The following MECOM variants were observed in gnomAD, a reference collection of about 807,000 sequenced individuals.
MECOM encodes the protein MDS1 and EVI1 complex locus.
A neutral mutation model predicts 116.3 loss-of-function variants in MECOM; 13 were observed. The ratio of observed to expected loss-of-function variants is 0.11; its 90% CI spans 0.07 to 0.18. The LOEUF (loss-of-function observed/expected upper bound fraction) is 0.18. Ranked by LOEUF, MECOM falls within the 10% of genes least tolerant of loss-of-function variation. The probability of loss-of-function intolerance (pLI) is 1.00; values close to 1 mark genes in which losing one functional copy is unlikely to be tolerated. For synonymous variants in MECOM, 528 were observed against 535.2 expected, an observed-to-expected ratio of 0.99 and a Z score of 0.19; for missense variants, 1,299 against 1,509.0, an observed-to-expected ratio of 0.86 and a Z score of 2.31.
At chr3:169,548,730 C>T (rs1377954870) in intron 1 of MECOM, among the ~76,000 whole-genome samples, 1 of 152,136 alleles carries the variant, frequency 6.6e-6, no homozygotes, top group Admixed American at 6.5e-5. Context: ...GCCCTCTCTC[C>T]ATCATTCAGG....
At chr3:169,657,290 C>T (rs570742367) in intron 1 of MECOM, among the ~76,000 whole-genome samples, 2 of 152,212 alleles carry the variant, frequency 1.3e-5, no homozygotes, top group Non-Finnish European at 2.9e-5. Context: ...TTCGCTATCA[C>T]GATCCCTCTA....
rs1754487838 is a variant in MECOM at position 169,239,321 on chromosome 3, T to C, written c.376-95489A>G. Among the ~76,000 whole-genome samples, 4 of 152,104 alleles carry C rather than the reference T, an allele frequency of 2.6e-5. No homozygotes were observed. In the South Asian group the frequency reaches 8.3e-4, roughly 31 times the overall value. ...TACCAATAAGGAGAACTTTAAAGAA[T>C]ATTAGAGTATTTGAAATATATGGAG... On this transcript the variant is annotated intron_variant, in intron 2 of 16. Coordinates refer to ENST00000651503, the MANE Select transcript of MECOM (RefSeq NM_004991.4).
At chr3:169,341,479 C>T (rs552402055) in intron 2 of MECOM, among the ~76,000 whole-genome samples, 9 of 149,122 alleles carry the variant, frequency 6.0e-5, no homozygotes, top group African/African-American at 2.0e-4. Context: ...CGGTGGCTCA[C>T]GTCTGTAAGC....
At chr3:169,259,006 A>T (rs554205111) in intron 2 of MECOM, among the ~76,000 whole-genome samples, 1 of 152,196 alleles carries the variant, frequency 6.6e-6, no homozygotes, top group African/African-American at 2.4e-5. Context: ...ATGGTTTTGC[A>T]TCCCAAATCT....
chr3:169,493,271 T>C (rs1361459313), intron 1 of MECOM, among the ~76,000 whole-genome samples: 1 of 152,052 alleles, frequency 6.6e-6, no homozygotes, highest in Non-Finnish European at 1.5e-5. Context: ...TTTGATCAAG[T>C]AGCATGTCTC....
At chr3:169,349,051 C>G (rs900966707) in intron 2 of MECOM, among the ~76,000 whole-genome samples, 29 of 151,516 alleles carry the variant, frequency 1.9e-4, no homozygotes, top group African/African-American at 5.6e-4. Context: ...TGTTCACCCC[C>G]ATTCCCCTCC....
intron 4 of MECOM, 124 bp from the exon 5 acceptor site, chr3:169,128,184 T>G (rs1162067943): frequency 1.2e-6 from 1 of 802,502 alleles, no homozygotes; most frequent in Non-Finnish European, 2.0e-6. Flanking sequence ...TCTTGTCAAT[T>G]TTAATCTGGA....
At position 169,141,671 on chromosome 3, in the gene MECOM, T is replaced by G. The variant is rs570491950; in HGVS notation, c.510+2027A>C. On this transcript the variant is annotated intron_variant, in intron 3 of 16. Transcript: ENST00000651503. Reference sequence around the variant, plus strand: ...ATGCTTATAATATATGCATACACTATTTGGGTGTCTCTTCCCTTTTGTCTT... The same window carrying G: ...ATGCTTATAATATATGCATACACTAGTTGGGTGTCTCTTCCCTTTTGTCTT... Among the ~76,000 whole-genome samples the G allele has an allele frequency of 5.9e-5, 9 of 152,160 alleles. No homozygotes were observed. The South Asian group carries it at 1.9e-3, about 32-fold the overall frequency.
At chr3:169,091,033 C>T (rs1021208525) in intron 14 of MECOM, among the ~76,000 whole-genome samples, 8 of 151,884 alleles carry the variant, frequency 5.3e-5, no homozygotes, top group Non-Finnish European at 4.4e-5. Context: ...ATCCATTTGA[C>T]CAGAAAAAGT....
intron 1 of MECOM, among the ~76,000 whole-genome samples, chr3:169,469,979 A>G (rs1476462345): frequency 6.6e-6 from 1 of 152,192 alleles, no homozygotes; most frequent in East Asian, 1.9e-4. Context: ...CCTTCCTAAG[A>G]AACTGATATG....
chr3:169,189,626 G>A (rs1747246771), intron 2 of MECOM, among the ~76,000 whole-genome samples: 1 of 151,928 alleles, frequency 6.6e-6, no homozygotes, highest in Non-Finnish European at 1.5e-5. Flanking sequence ...TCCCCTTTTT[G>A]TTGTATCTGT....
rs1160813309 is a variant in MECOM, at chr3:169,128,387, T to C, written c.614-327A>G. On this transcript the variant is annotated intron_variant, in intron 4 of 16. Coordinates refer to ENST00000651503, the MANE Select transcript of MECOM (RefSeq NM_004991.4). ...TTTCTCAACCCTGTATGTGGATTAC[T>C]GACATTCCTTAAAACCTGATTATGA... Among the ~76,000 whole-genome samples the C allele has an allele frequency of 2.0e-5, 3 of 152,210 alleles. No individual in the cohort carries two copies. In the East Asian group the frequency reaches 5.8e-4, roughly 29 times the overall value.
chr3:169,306,178 T>A (rs951273426), intron 2 of MECOM, among the ~76,000 whole-genome samples: 2 of 152,144 alleles, frequency 1.3e-5, no homozygotes, highest in African/African-American at 4.8e-5. Context: ...TTCATGATTA[T>A]CTTCCTTTGT....
At chr3:169,274,229 A>T (rs917314203) in intron 2 of MECOM, among the ~76,000 whole-genome samples, 2 of 152,110 alleles carry the variant, frequency 1.3e-5, no homozygotes, top group African/African-American at 4.8e-5. Context: ...CTTCCTAAAA[A>T]TGAGTGAGGA....
At chr3:169,237,634 AAT>A (rs60624551) in intron 2 of MECOM, among the ~76,000 whole-genome samples, 8,072 of 55,780 alleles carry the variant, frequency 0.14, 452 homozygotes, top group Non-Finnish European at 0.19. Context: ...AAAAAAAAAA[AAT>A]GTGGCACTTA....
chr3:169,149,841 A>G (rs944232590), intron 2 of MECOM: 1 of 329,652 alleles, frequency 3.0e-6, no homozygotes, highest in East Asian at 8.4e-5. Context: ...TTCTCCACTG[A>G]ATAAATTGTG....
At chr3:169,493,052 A>T (rs757661984) in intron 1 of MECOM, among the ~76,000 whole-genome samples, 1 of 152,230 alleles carries the variant, frequency 6.6e-6, no homozygotes, top group Non-Finnish European at 1.5e-5. Flanking sequence ...TATAGTCAGA[A>T]CAATGAACAA....
At chr3:169,612,835 C>A (rs768466883) in intron 1 of MECOM, among the ~76,000 whole-genome samples, 3 of 152,110 alleles carry the variant, frequency 2.0e-5, no homozygotes, top group Non-Finnish European at 4.4e-5. Flanking sequence ...GTCCTATACA[C>A]CTAAAGATTT....
intron 1 of MECOM, among the ~76,000 whole-genome samples, chr3:169,482,339 T>TTTC (rs1255405074): frequency 1.4e-5 from 2 of 144,890 alleles, no homozygotes; most frequent in African/African-American, 2.6e-5. Context: ...TTTTTTTTTT[T>TTTC]TTTTTTTTTT....
Sources: allele counts gnomAD v4.1 joint callset (sites outside exome capture counted in the v4.1 genomes callset), GRCh38; gene constraint gnomAD v4.1.1; transcripts MANE v1.5; gene names NCBI Gene and HGNC (gene_info 2026-07-23, HGNC 2026-07-21).